The following AMOTL1 variants were observed in gnomAD, a reference collection of about 807,000 sequenced individuals.
The protein encoded by AMOTL1 is angiomotin-like protein 1.
A neutral mutation model predicts 102.9 loss-of-function variants in AMOTL1; 45 were observed. The observed-to-expected ratio is 0.44, with a 90% CI of 0.34 to 0.56. The LOEUF is 0.56. AMOTL1 is among the 20% of genes least tolerant of loss of function. The pLI is 0.01. For synonymous variants in AMOTL1, 481 were observed against 484.7 expected (o/e 0.99, Z 0.10); for missense variants, 1,114 against 1,225.6 (o/e 0.91, Z 1.36).
upstream of AMOTL1, among the ~76,000 whole-genome samples, chr11:94,764,456 G>A (rs138747232): frequency 5.3e-4 from 81 of 152,298 alleles, no homozygotes; most frequent in African/African-American, 1.9e-3. Flanking sequence ...CTTGTTCTAG[G>A]AGCAAAACAA....
chr11:94,864,590 G>T, intron 9 of AMOTL1, 145 bp from the exon 10 acceptor site: 1 of 1,106,990 alleles, frequency 9.0e-7, no homozygotes, highest in East Asian at 2.6e-5. Flanking sequence ...GGGAAATTGG[G>T]AGGGAAAGGC....
intron 3 of AMOTL1, among the ~76,000 whole-genome samples, chr11:94,801,221 A>C (rs937129203): frequency 1.3e-5 from 2 of 152,202 alleles, no homozygotes; most frequent in Non-Finnish European, 2.9e-5. Flanking sequence ...GTAGAGATGA[A>C]GTAGCAGTAT....
chr11:94,818,103 T>G (rs1335347881), intron 3 of AMOTL1, among the ~76,000 whole-genome samples: 1 of 152,222 alleles, frequency 6.6e-6, no homozygotes, highest in African/African-American at 2.4e-5. Context: ...AATAAGAATC[T>G]TTTTCTTTGT....
At position 94,768,368 on chromosome 11, in the gene AMOTL1, G is replaced by T; in HGVS notation, c.-144G>T. ...GGACGGCGGCGGGAGCGCGCGAGAA[G>T]CTCTAGGACCCAGCAGCGGTTGTCG... is the stretch of plus-strand genomic sequence containing the variant. On this transcript the variant is annotated 5_prime_UTR_variant, in exon 1 of 13. Coordinates refer to ENST00000433060, the MANE Select transcript of AMOTL1 (RefSeq NM_130847.3). 1 of 1,468,514 alleles carries T rather than the reference G, an allele frequency of 6.8e-7. No individual in the cohort carries two copies. Among genetic ancestry groups the T allele is most frequent in the Non-Finnish European group, 9.0e-7 (1 of 1,111,734 alleles). 91.0% of individuals were successfully genotyped at this position (1,468,514 alleles called of 1,614,324 possible). A position where few individuals can be genotyped will look rare whatever the true frequency, so the allele number is the denominator to read the frequency against.
rs1469789640 is a variant in AMOTL1 at position 94,799,420 on chromosome 11, C to T, written c.230C>T (p.Pro77Leu). 1 of 1,588,930 alleles carries T rather than the reference C, an allele frequency of 6.3e-7. No homozygotes were observed. ...GATCCTCTTTGTAACTTCCACTCCC[C>T]AAACTTCCTGAGGATCTCAGAGGTG... ...VEDPLCNFHS[P>L]NFLRISEVEM... is the part of the protein sequence containing the mutation. The change falls in exon 3 of 13, where the codon CCA becomes CTA. Residue 77 changes from proline (P) to leucine (L), a missense_variant. Transcript: ENST00000433060. This position sits in a 1 kb window ranked among gnomAD's most constrained non-coding sequence, Gnocchi z 4.5.
chr11:94,796,704 GGCC>G (rs1951373093), intron 2 of AMOTL1, among the ~76,000 whole-genome samples: 1 of 151,974 alleles, frequency 6.6e-6, no homozygotes, highest in Non-Finnish European at 1.5e-5. Flanking sequence ...AAAATTAGGG[GGCC>G]ATCACGGAGT....
intron 1 of AMOTL1, among the ~76,000 whole-genome samples, chr11:94,774,885 G>C (rs1169102349): frequency 6.6e-6 from 1 of 152,138 alleles, no homozygotes; most frequent in East Asian, 1.9e-4. Flanking sequence ...GTTATTAGTT[G>C]ATATAGCTAT....
intron 3 of AMOTL1, among the ~76,000 whole-genome samples, chr11:94,749,084 A>C (rs1318109734): frequency 2.6e-5 from 4 of 152,206 alleles, no homozygotes; most frequent in Non-Finnish European, 4.4e-5. Context: ...GTGATTATGG[A>C]GGGTGAGAAG....
Position 94,870,714 on chromosome 11 carries a change from G to T in AMOTL1, c.2790G>T (p.Ser930=), listed in dbSNP as rs371936570. 2 of 1,602,462 alleles carry T rather than the reference G, an allele frequency of 1.2e-6. No individual in the cohort carries two copies. The highest frequency in any genetic ancestry group is 2.2e-5 in the East Asian group (1 of 44,634). Residue 930 remains serine, a synonymous_variant, in exon 13 of 13, where the codon TCG becomes TCT. Coordinates refer to ENST00000433060, the MANE Select transcript of AMOTL1 (RefSeq NM_130847.3). ...KLENSPGHGK[S]PDHRGRVSSL... ...AGAACTCTCCTGGCCATGGGAAGTC[G>T]CCTGACCACAGAGGCCGGGTCAGCA...
chr11:94,823,047 A>G lies in AMOTL1; in HGVS notation c.1413+1226A>G, dbSNP rs115137491. 5.3e-3 allele frequency among the ~76,000 whole-genome samples: 807 copies of G among 152,302 alleles called. 12 individuals carry two copies. Among genetic ancestry groups the G allele is most frequent in the South Asian group, 0.034 (166 of 4,826 alleles). ...TCACTTTGGCTCTATGTGACAATTAATGCTCCGGCTGGCCGATTTAGTGTT... is the reference window on the plus strand; with the variant it reads ...TCACTTTGGCTCTATGTGACAATTAGTGCTCCGGCTGGCCGATTTAGTGTT... On this transcript the variant is annotated intron_variant, in intron 4 of 12. Coordinates refer to ENST00000433060, the MANE Select transcript of AMOTL1 (RefSeq NM_130847.3).
chr11:94,724,935 C>CTTCTA (rs1950231521), intron 1 of AMOTL1, among the ~76,000 whole-genome samples: 1 of 152,098 alleles, frequency 6.6e-6, no homozygotes, highest in Non-Finnish European at 1.5e-5. Context: ...AGACATGGTA[C>CTTCTA]TTCTAGTTAA....
chr11:94,814,657 A>G (rs1951736323), intron 3 of AMOTL1, among the ~76,000 whole-genome samples: 1 of 152,200 alleles, frequency 6.6e-6, no homozygotes, highest in Admixed American at 6.5e-5. Context: ...ATGGGGACAC[A>G]AAGAAAAGGG....
At position 94,751,812 on chromosome 11, in the gene AMOTL1, G is replaced by A. The variant is rs899458313; in HGVS notation, c.136+10824G>A. ...CACACACACACACACGTGCACACAC[G>A]CACACACACACATAGGAAAATGGGA... On this transcript the variant is annotated intron_variant, in intron 3 of 4. Coordinates refer to the AMOTL1 transcript ENST00000299004. 4.7e-5 allele frequency among the ~76,000 whole-genome samples: 7 copies of A among 149,414 alleles called. No individual in the cohort carries two copies. The South Asian group carries it at 1.3e-3, about 28-fold the overall frequency.
At chr11:94,843,935 G>T (rs1480524025) in intron 6 of AMOTL1, among the ~76,000 whole-genome samples, 8 of 152,110 alleles carry the variant, frequency 5.3e-5, no homozygotes, top group Non-Finnish European at 1.0e-4. Context: ...CTGGACTTGG[G>T]GCTCTGGCAC....
chr11:94,840,539 C>T (rs938833597), intron 6 of AMOTL1, among the ~76,000 whole-genome samples: 1 of 151,626 alleles, frequency 6.6e-6, no homozygotes, highest in African/African-American at 2.4e-5. Flanking sequence ...CCTGATCAGT[C>T]CTAGCATAAA....
At chr11:94,805,338 A>C (rs1237379421) in intron 3 of AMOTL1, among the ~76,000 whole-genome samples, 1 of 152,208 alleles carries the variant, frequency 6.6e-6, no homozygotes, top group Non-Finnish European at 1.5e-5. Context: ...GAAGACTGTC[A>C]CAGACCAGAC....
intron 3 of AMOTL1, among the ~76,000 whole-genome samples, chr11:94,752,773 C>T (rs142898862): frequency 1.3e-3 from 197 of 152,214 alleles, no homozygotes; most frequent in African/African-American, 4.6e-3. Context: ...CTTAAGAAAA[C>T]ACAGAAGGGA....
Position 94,740,911 on chromosome 11 carries a change from T to G in AMOTL1, c.86-27T>G, listed in dbSNP as rs998777556. The G allele has an allele frequency of 5.4e-6, 7 of 1,288,332 alleles. No individual in the cohort carries two copies. In the East Asian group the frequency reaches 3.3e-4, roughly 61 times the overall value. The allele number at this position is 1,288,332 out of a possible 1,614,324, so 79.8% of individuals were successfully genotyped here. A position where few individuals can be genotyped will look rare whatever the true frequency, so the allele number is the denominator to read the frequency against. On this transcript the variant is annotated intron_variant, in intron 2 of 4. Coordinates refer to the AMOTL1 transcript ENST00000299004. The stretch of plus-strand genomic sequence containing the variant: ...TCGTCCTGAATGGTAGCGATTCGAG[T>G]TGTTTTCTGCTTTTCTTCTCCCCCA...
chr11:94,836,708 A>C (rs886982615), intron 6 of AMOTL1, among the ~76,000 whole-genome samples: 1 of 152,144 alleles, frequency 6.6e-6, no homozygotes, highest in African/African-American at 2.4e-5. Context: ...TCAGAATAAA[A>C]GCAATTTAAA....
Sources: allele counts gnomAD v4.1 joint callset (sites outside exome capture counted in the v4.1 genomes callset), GRCh38; gene constraint gnomAD v4.1.1; non-coding constraint Gnocchi (gnomAD v3.1); transcripts MANE v1.5; gene names NCBI Gene and HGNC (gene_info 2026-07-23, HGNC 2026-07-21).